The following ZFP90 variants were observed in gnomAD, a reference collection of about 807,000 sequenced individuals.
The protein encoded by ZFP90 is ZFP90 zinc finger protein.
ZFP90 carries 38 observed loss-of-function variants against 60.8 expected under a neutral mutation model. The ratio of observed to expected loss-of-function variants is 0.62; its 90% CI spans 0.48 to 0.82. ZFP90 has a LOEUF of 0.82. ZFP90 is among the 40% of genes least tolerant of loss of function. ZFP90 has a pLI of 0.00. For synonymous variants in ZFP90, 287 were observed against 264.8 expected, an observed-to-expected ratio of 1.08 and a Z score of -0.82; for missense variants, 711 against 759.1, an observed-to-expected ratio of 0.94 and a Z score of 0.74.
rs2091591796 is a variant in ZFP90 at position 68,575,855 on chromosome 16, TC to T, written c.290del (p.Pro97GlnfsTer13). ...GTAAGGGCGAAAGAAGACAGAAACT[TC>T]CAAGAAAGAATCCTGAGTGATGTCA... On this transcript the variant is annotated frameshift_variant, in exon 3 of 3. Coordinates refer to the ZFP90 transcript ENST00000573113. LOFTEE classifies it high-confidence loss of function. 2.5e-6 allele frequency: 1 copy of T among 398,150 alleles called. No individual in the cohort carries two copies. The highest frequency in any genetic ancestry group is 1.3e-4 in the South Asian group (1 of 7,854). 24.7% of individuals were successfully genotyped at this position (398,150 alleles called of 1,614,324 possible).
chr16:68,575,695 C>A, intron 2 of ZFP90: 1 of 396,834 alleles, frequency 2.5e-6, no homozygotes, highest in Non-Finnish European at 4.4e-6. Context: ...GGTTCTCAAT[C>A]CGGTCTGTGG....
downstream of ZFP90, among the ~76,000 whole-genome samples, chr16:68,568,644 CAG>C (rs2091551288): frequency 1.3e-5 from 2 of 152,142 alleles, no homozygotes; most frequent in Non-Finnish European, 2.9e-5. Context: ...ATGAACACAA[CAG>C]AAATACTGGG....
rs1482072680 is a variant in ZFP90 at position 68,567,073 on chromosome 16, G to A, written c.*2375G>A. The A allele has an allele frequency of 9.1e-6, 9 of 985,452 alleles. No homozygotes were observed. The highest frequency in any genetic ancestry group is 1.1e-5 in the Non-Finnish European group (9 of 829,944). 61.0% of individuals were successfully genotyped at this position (985,452 alleles called of 1,614,324 possible). A position where few individuals can be genotyped will look rare whatever the true frequency, so the allele number is the denominator to read the frequency against. ...TGGATACCCAGCCTTTTAGGGCTACGTGAAATGCATCCTTGTAACATCATT... is the reference window on the plus strand; with the variant it reads ...TGGATACCCAGCCTTTTAGGGCTACATGAAATGCATCCTTGTAACATCATT... On this transcript the variant is annotated 3_prime_UTR_variant, in exon 5 of 5. Coordinates refer to ENST00000563169, the MANE Select transcript of ZFP90 (RefSeq NM_001305203.2).
In ZFP90 at chr16:68,563,462, G is replaced by A. The variant is rs768440232; in HGVS notation, c.675G>A (p.Ser225=). 7.7e-5 allele frequency: 125 copies of A among 1,613,968 alleles called. No individual in the cohort carries two copies. The highest frequency in any genetic ancestry group is 9.7e-5 in the Non-Finnish European group (115 of 1,180,018). ...GAAAAGCCTTTATTCATAGATCATC[G>A]CTTACTAAACATGAGAAAACACATA... is the stretch of plus-strand genomic sequence containing the variant. ...KCRKAFIHRS[S]LTKHEKTHKG... is the part of the protein sequence containing the mutation. The change falls in exon 5 of 5, where the codon TCG becomes TCA. Residue 225 remains serine, a synonymous_variant. Coordinates refer to ENST00000563169, the MANE Select transcript of ZFP90 (RefSeq NM_001305203.2).
At position 68,564,224 on chromosome 16, in the gene ZFP90, T is replaced by C. The variant is rs775761241; in HGVS notation, c.1437T>C (p.Asp479=). 5 of 1,613,690 alleles carry C rather than the reference T, an allele frequency of 3.1e-6. No homozygotes were observed. Among genetic ancestry groups the C allele is most frequent in the African/African-American group, 2.7e-5 (2 of 74,836 alleles). ...QRIHTAENPY[D]CEQAFSQQAI... ...TCCATACTGCAGAGAACCCCTATGA[T>C]TGTGAGCAGGCTTTTAGTCAGCAAG... The change falls in exon 5 of 5, where the codon GAT becomes GAC. Residue 479 remains aspartate, a synonymous_variant. Transcript: ENST00000563169.
chr16:68,538,003 C>T (rs2090975092), upstream of ZFP90, among the ~76,000 whole-genome samples: 1 of 152,022 alleles, frequency 6.6e-6, no homozygotes, highest in Admixed American at 6.6e-5. Flanking sequence ...ACCTCTGCCT[C>T]CCAGATTCAA....
rs1427163957 is a variant in ZFP90, at chr16:68,564,931, T to C, written c.*233T>C. On this transcript the variant is annotated 3_prime_UTR_variant, in exon 5 of 5. Coordinates refer to ENST00000563169, the MANE Select transcript of ZFP90 (RefSeq NM_001305203.2). ...CATGTATGTAGCTGGTTGGGGATGA[T>C]ATGCCTGTATGTTGGACTTTGCTTT... The C allele has an allele frequency of 1.6e-6, 2 of 1,274,842 alleles. No individual in the cohort carries two copies. The highest frequency in any genetic ancestry group is 9.9e-7 in the Non-Finnish European group (1 of 1,012,372). The allele number at this position is 1,274,842 out of a possible 1,614,324, so 79.0% of individuals were successfully genotyped here. A position where few individuals can be genotyped will look rare whatever the true frequency, so the allele number is the denominator to read the frequency against.
At chr16:68,539,527 C>T (rs557732702) in intron 1 of ZFP90, 48 bp downstream of exon 1, 13 of 476,862 alleles carry the variant, frequency 2.7e-5, no homozygotes, top group Admixed American at 8.0e-5. Flanking sequence ...GGGTGTCAGC[C>T]GGGCCTCGCC....
chr16:68,554,729 A>T (rs2091317100), intron 2 of ZFP90, among the ~76,000 whole-genome samples: 1 of 152,060 alleles, frequency 6.6e-6, no homozygotes. Context: ...AGGTGGGAGG[A>T]TCACTTGAGC....
downstream of ZFP90, chr16:68,576,150 C>T (rs748746729): frequency 1.9e-5 from 4 of 206,266 alleles, no homozygotes; most frequent in Non-Finnish European, 3.8e-5. Flanking sequence ...TGAAAACCAA[C>T]AGCCAGGCAA....
Position 68,539,778 on chromosome 16 carries a change from CCTGGCGAGG to C in ZFP90, c.-13_-5del. Reference sequence around the variant, plus strand: ...CCCAGCTCCTGCCCCGGAGCCGGGCCCTGGCGAGGCAGGAATGGCCCCGAGGCCTCCGAC... The same window carrying C: ...CCCAGCTCCTGCCCCGGAGCCGGGCCCAGGAATGGCCCCGAGGCCTCCGAC... On this transcript the variant is annotated 5_prime_UTR_variant, in exon 2 of 5. Transcript: ENST00000563169. The C allele has an allele frequency of 1.3e-6, 2 of 1,591,096 alleles. No individual in the cohort carries two copies. The highest frequency in any genetic ancestry group is 2.3e-5 in the South Asian group (2 of 88,020).
intron 2 of ZFP90, among the ~76,000 whole-genome samples, chr16:68,548,331 A>G (rs1414184852): frequency 4.0e-5 from 6 of 151,772 alleles, no homozygotes; most frequent in Non-Finnish European, 5.9e-5. Flanking sequence ...TTTGGCAACA[A>G]TTTTCTCTAT....
At position 68,567,020 on chromosome 16, in the gene ZFP90, G is replaced by C; in HGVS notation, c.*2322G>C. On this transcript the variant is annotated 3_prime_UTR_variant, in exon 5 of 5. Transcript: ENST00000563169. The stretch of plus-strand genomic sequence containing the variant: ...GCTCATTGACCAGAAGGCTTTCTTA[G>C]TCCCAACAGCCATGAACCATGCACT... 1 of 985,598 alleles carries C rather than the reference G, an allele frequency of 1.0e-6. No homozygotes were observed. The highest frequency in any genetic ancestry group is 1.2e-6 in the Non-Finnish European group (1 of 829,956). 61.1% of individuals were successfully genotyped at this position (985,598 alleles called of 1,614,324 possible). A position where few individuals can be genotyped will look rare whatever the true frequency, so the allele number is the denominator to read the frequency against.
In ZFP90 at chr16:68,566,436, C is replaced by T; in HGVS notation, c.*1738C>T. On this transcript the variant is annotated 3_prime_UTR_variant, in exon 5 of 5. Transcript: ENST00000563169. ...ACTGGATTCTTTGCATGCCACATAG[C>T]AGGATTCATTGCCTTTCTCTCATCA... The T allele has an allele frequency of 2.0e-6, 2 of 985,540 alleles. No individual in the cohort carries two copies. Among genetic ancestry groups the T allele is most frequent in the Non-Finnish European group, 2.4e-6 (2 of 829,936 alleles). The allele number at this position is 985,540 out of a possible 1,614,324, so 61.0% of individuals were successfully genotyped here. A position where few individuals can be genotyped will look rare whatever the true frequency, so the allele number is the denominator to read the frequency against.
rs897865520 is a variant in ZFP90 at position 68,563,802 on chromosome 16, C to T, written c.1015C>T (p.Arg339Ter). Reference protein sequence around the residue: ...QRIHTGEKPYRCNLCGRSFRH... With the variant: ...QRIHTGEKPY ...AATTCACACTGGAGAGAAACCCTAT[C>T]GATGTAATCTATGTGGGAGGTCCTT... Residue 339 changes from arginine (R) to a stop codon, truncating the protein, a stop_gained, in exon 5 of 5, where the codon CGA becomes TGA. Transcript: ENST00000563169. LOFTEE classifies it high-confidence loss of function. 7 of 1,613,796 alleles carry T rather than the reference C, an allele frequency of 4.3e-6. No homozygotes were observed. The highest frequency in any genetic ancestry group is 2.7e-5 in the African/African-American group (2 of 74,954).
intron 4 of ZFP90, among the ~76,000 whole-genome samples, chr16:68,560,801 T>C (rs765966182): frequency 2.1e-4 from 32 of 151,954 alleles, no homozygotes; most frequent in Non-Finnish European, 4.1e-4. Context: ...TAGCCTAATA[T>C]GTTCATCCCA....
intron 2 of ZFP90, among the ~76,000 whole-genome samples, chr16:68,540,206 G>A (rs1028176466): frequency 6.6e-6 from 1 of 152,114 alleles, no homozygotes; most frequent in East Asian, 1.9e-4. Flanking sequence ...GTGGAGAGAG[G>A]AGCCCCAGCT....
intron 2 of ZFP90, among the ~76,000 whole-genome samples, 172 bp downstream of exon 2, chr16:68,539,997 A>C (rs1169053674): frequency 6.6e-6 from 1 of 152,198 alleles, no homozygotes; most frequent in Non-Finnish European, 1.5e-5. Flanking sequence ...GGATTCCCAA[A>C]GGGGAGGCTG....
chr16:68,562,398 A>G (rs952780819), intron 4 of ZFP90: 10 of 152,402 alleles, frequency 6.6e-5, no homozygotes, highest in African/African-American at 2.2e-4. Context: ...TATTAGCCAG[A>G]TTGAAATAAA....
Sources: allele counts gnomAD v4.1 joint callset (sites outside exome capture counted in the v4.1 genomes callset), GRCh38; gene constraint gnomAD v4.1.1; transcripts MANE v1.5; gene names NCBI Gene and HGNC (gene_info 2026-07-23, HGNC 2026-07-21).